The following GALNTL5 variants were observed in gnomAD, a reference collection of about 807,000 sequenced individuals.
GALNTL5 encodes inactive polypeptide N-acetylgalactosaminyltransferase-like protein 5.
A neutral mutation model predicts 51.0 loss-of-function variants in GALNTL5; 44 were observed. That is an observed-to-expected ratio of 0.86 (90% CI 0.68 to 1.11). GALNTL5 has a LOEUF of 1.11. GALNTL5 is among the 50% of genes least tolerant of loss of function. The probability of loss-of-function intolerance (pLI) is 0.00; values close to 1 mark genes in which losing one functional copy is unlikely to be tolerated. For missense variants in GALNTL5, 528 were observed against 531.8 expected (o/e 0.99, Z 0.07); for synonymous variants, 192 against 182.8 (o/e 1.05, Z -0.41).
chr7:151,957,142 G>GA (rs71198743), intron 1 of GALNTL5, among the ~76,000 whole-genome samples: 220 of 100,146 alleles, frequency 2.2e-3, no homozygotes, highest in Middle Eastern at 7.4e-3. Flanking sequence ...TCTGTCTCGA[G>GA]AAAAAAAAAA....
chr7:151,962,927 T>C (rs1338529871), intron 1 of GALNTL5, among the ~76,000 whole-genome samples: 4 of 152,164 alleles, frequency 2.6e-5, no homozygotes, highest in Non-Finnish European at 5.9e-5. Flanking sequence ...CTTTATTTGC[T>C]TTTTCCTTTA....
In GALNTL5 at chr7:151,967,155, C is replaced by G. The variant is rs1179802042; in HGVS notation, c.-39-53C>G. 6 of 1,203,358 alleles carry G rather than the reference C, an allele frequency of 5.0e-6. No homozygotes were observed. In the South Asian group the frequency reaches 8.6e-5, roughly 17 times the overall value. 74.5% of individuals were successfully genotyped at this position (1,203,358 alleles called of 1,614,324 possible). On this transcript the variant is annotated intron_variant, in intron 1 of 8. Coordinates refer to ENST00000392800, the MANE Select transcript of GALNTL5 (RefSeq NM_145292.4). Reference sequence around the variant, plus strand: ...ATGGAATTTAAGCCAAGTAGGTGATCTACAAACCATTGGAATATCTAATGC... The same window carrying G: ...ATGGAATTTAAGCCAAGTAGGTGATGTACAAACCATTGGAATATCTAATGC...
chr7:151,985,091 C>A (rs1475718127), intron 4 of GALNTL5, among the ~76,000 whole-genome samples: 1 of 152,126 alleles, frequency 6.6e-6, no homozygotes, highest in Non-Finnish European at 1.5e-5. Flanking sequence ...TGATAGACAG[C>A]CATCTTTTTG....
intron 6 of GALNTL5, among the ~76,000 whole-genome samples, chr7:152,004,543 G>T (rs887944843): frequency 1.3e-5 from 2 of 152,042 alleles, no homozygotes; most frequent in Non-Finnish European, 2.9e-5. Flanking sequence ...GACTTTCCAA[G>T]TATCCACCAC....
At chr7:151,958,565 C>T (rs1223300020) in intron 1 of GALNTL5, among the ~76,000 whole-genome samples, 1 of 152,090 alleles carries the variant, frequency 6.6e-6, no homozygotes, top group Non-Finnish European at 1.5e-5. Flanking sequence ...GCAAACAGTG[C>T]AAGGGGTGTG....
At chr7:151,988,860 C>T (rs900889963) in intron 5 of GALNTL5, among the ~76,000 whole-genome samples, 14 of 151,948 alleles carry the variant, frequency 9.2e-5, no homozygotes, top group Non-Finnish European at 1.8e-4. Context: ...GCCACCATGC[C>T]GGCTAATTTT....
intron 6 of GALNTL5, among the ~76,000 whole-genome samples, chr7:152,004,907 T>A (rs893745865): frequency 7.9e-5 from 12 of 152,364 alleles, no homozygotes; most frequent in Non-Finnish European, 5.9e-5. Context: ...AGTGCTGTGA[T>A]AAACATACAA....
At chr7:152,008,139 T>C (rs1302184725) in intron 7 of GALNTL5, among the ~76,000 whole-genome samples, 195 bp downstream of exon 7, 1 of 151,966 alleles carries the variant, frequency 6.6e-6, no homozygotes, top group Non-Finnish European at 1.5e-5. Context: ...CTTGGCCTGG[T>C]GTGGTGGCTC....
At chr7:152,009,024 C>T (rs4726132) in intron 7 of GALNTL5, among the ~76,000 whole-genome samples, 39,200 of 152,062 alleles carry the variant, frequency 0.26, 6,438 homozygotes, top group Non-Finnish European at 0.37. Context: ...ATTTATTATT[C>T]AAACATTAAT....
intron 3 of GALNTL5, among the ~76,000 whole-genome samples, chr7:151,975,436 G>GT (rs1326397283): frequency 1.3e-5 from 2 of 151,866 alleles, no homozygotes; most frequent in South Asian, 2.1e-4. Flanking sequence ...TTCTGGTCTT[G>GT]TTTTTTTGAG....
At position 151,961,973 on chromosome 7, in the gene GALNTL5, T is replaced by G. The variant is rs552302042; in HGVS notation, c.-39-5235T>G. On this transcript the variant is annotated intron_variant, in intron 1 of 8. Transcript: ENST00000392800. ...ACTCCCTCTTACAATCACTTTTGAC[T>G]CTTCAATCTGTTTCTTATGATAGTT... Among the ~76,000 whole-genome samples the G allele has an allele frequency of 3.2e-4, 49 of 151,378 alleles. 1 individual carries two copies. The South Asian group carries it at 0.01, about 31-fold the overall frequency.
chr7:152,006,430 A>G (rs1430252826), intron 6 of GALNTL5, among the ~76,000 whole-genome samples: 1 of 152,218 alleles, frequency 6.6e-6, no homozygotes, highest in Non-Finnish European at 1.5e-5. Context: ...TGGCAGAGAT[A>G]ACAGCATGAC....
chr7:151,986,889 C>T (rs1310654536), intron 4 of GALNTL5, among the ~76,000 whole-genome samples: 1 of 150,668 alleles, frequency 6.6e-6, no homozygotes, highest in Non-Finnish European at 1.5e-5. Flanking sequence ...CTATGCCCGG[C>T]TAATTTTTGT....
intron 4 of GALNTL5, among the ~76,000 whole-genome samples, chr7:151,983,728 G>A (rs963280456): frequency 2.0e-4 from 30 of 152,252 alleles, no homozygotes; most frequent in African/African-American, 6.7e-4. Context: ...TGTCAACTGA[G>A]GTCTGAATGA....
intron 8 of GALNTL5, among the ~76,000 whole-genome samples, chr7:152,017,529 A>C (rs1173689816): frequency 6.6e-6 from 1 of 152,188 alleles, no homozygotes; most frequent in Non-Finnish European, 1.5e-5. Flanking sequence ...CCTTCCTGTA[A>C]AGTTCAAATG....
chr7:152,018,132 C>T (rs1198410536), intron 8 of GALNTL5, among the ~76,000 whole-genome samples: 2 of 152,250 alleles, frequency 1.3e-5, no homozygotes, highest in East Asian at 3.8e-4. Context: ...GCATAAGCCA[C>T]CACGCCCAGC....
rs140419914 is a variant in GALNTL5 at position 152,002,720 on chromosome 7, T to A, written c.665T>A (p.Val222Asp). Residue 222 changes from valine (V) to aspartate (D), a missense_variant, in exon 6 of 9, where the codon GTT (valine) becomes GAT (aspartate). Physicochemically the swap from Val to Asp is radical, Grantham distance 152 (BLOSUM62 -3). Coordinates refer to ENST00000392800, the MANE Select transcript of GALNTL5 (RefSeq NM_145292.4). ...CCTGTTCTTGCCTCCCCAGGGGATG[T>A]TCTGGTGTTCCTGGACAGCCACTGT... The part of the protein sequence containing the change: ...LIGASHASGD[V>D]LVFLDSHCEV... 45 of 1,614,024 alleles carry A rather than the reference T, an allele frequency of 2.8e-5. No homozygotes were observed. The East Asian group carries it at 9.8e-4, about 35-fold the overall frequency.
intron 4 of GALNTL5, among the ~76,000 whole-genome samples, chr7:151,985,501 T>C (rs2081350167): frequency 1.3e-5 from 2 of 152,158 alleles, no homozygotes; most frequent in South Asian, 4.1e-4. Flanking sequence ...AACAAAACCC[T>C]GTCTGTCCCA....
At chr7:151,990,881 C>T (rs1015914132) in intron 5 of GALNTL5, among the ~76,000 whole-genome samples, 1 of 152,170 alleles carries the variant, frequency 6.6e-6, no homozygotes. Context: ...CAGGAGCACC[C>T]GCCTTGGATG....
Sources: gnomAD v4.1 joint callset for allele counts (sites outside exome capture counted in the v4.1 genomes callset) on GRCh38, gnomAD v4.1.1 for gene constraint, MANE v1.5 for transcripts, NCBI Gene and HGNC (gene_info 2026-07-23, HGNC 2026-07-21) for gene names.